Variants in DACH1 observed in about 807,000 individuals in gnomAD.
DACH1 encodes dachshund family transcription factor 1.
A neutral mutation model predicts 54.2 loss-of-function variants in DACH1; 12 were observed. The observed-to-expected ratio is 0.22, with a 90% CI of 0.14 to 0.36. The LOEUF is 0.36. Ranked by LOEUF, DACH1 falls within the 10% of genes least tolerant of loss-of-function variation. DACH1 has a pLI of 1.00. For missense variants in DACH1, 805 were observed against 929.8 expected, an observed-to-expected ratio of 0.87 and a Z score of 1.75; for synonymous variants, 386 against 366.2, an observed-to-expected ratio of 1.05 and a Z score of -0.62.
intron 1 of DACH1, among the ~76,000 whole-genome samples, chr13:71,712,963 C>A (rs1171662284): frequency 6.6e-6 from 1 of 151,806 alleles, no homozygotes; most frequent in East Asian, 1.9e-4. Context: ...GCTTCTATTC[C>A]TTTATAGATT....
At chr13:71,684,249 C>A (rs1881048830) in intron 1 of DACH1, among the ~76,000 whole-genome samples, 1 of 152,038 alleles carries the variant, frequency 6.6e-6, no homozygotes, top group Non-Finnish European at 1.5e-5. Flanking sequence ...ATGCTAATTC[C>A]AGAAGGATTT....
chr13:71,566,594 A>C (rs750272020), intron 4 of DACH1, among the ~76,000 whole-genome samples: 3 of 152,094 alleles, frequency 2.0e-5, no homozygotes, highest in Non-Finnish European at 4.4e-5. Flanking sequence ...GTTCCCCCCA[A>C]ATTCTCCAAA....
chr13:71,580,935 G>A (rs1872796525), intron 3 of DACH1, among the ~76,000 whole-genome samples: 1 of 151,330 alleles, frequency 6.6e-6, no homozygotes, highest in African/African-American at 2.4e-5. Context: ...ATCTTACACT[G>A]TCACTCCCCT....
At chr13:71,577,643 T>C (rs781665219) in intron 3 of DACH1, among the ~76,000 whole-genome samples, 13 of 152,182 alleles carry the variant, frequency 8.5e-5, no homozygotes, top group Non-Finnish European at 1.9e-4. Context: ...TTGTATTTAA[T>C]ATCCTGTTAC....
intron 1 of DACH1, among the ~76,000 whole-genome samples, chr13:71,798,106 A>AAT (rs1887131423): frequency 6.6e-6 from 1 of 151,946 alleles, no homozygotes; most frequent in African/African-American, 2.4e-5. Context: ...TTAAAATAAA[A>AAT]ATAGGTATAG....
intron 1 of DACH1, among the ~76,000 whole-genome samples, chr13:71,798,094 A>C (rs981422636): frequency 2.0e-5 from 3 of 151,958 alleles, no homozygotes; most frequent in South Asian, 2.1e-4. Context: ...GCCTGGTCAA[A>C]ATTAAAATAA....
chr13:71,825,121 C>T (rs532022043), intron 1 of DACH1, among the ~76,000 whole-genome samples: 22 of 151,988 alleles, frequency 1.4e-4, no homozygotes, highest in African/African-American at 2.4e-4. Flanking sequence ...ATATTTCAAA[C>T]GAAATAACAA....
chr13:71,629,925 C>A (rs112233585), intron 3 of DACH1, among the ~76,000 whole-genome samples: 8 of 151,966 alleles, frequency 5.3e-5, no homozygotes, highest in Non-Finnish European at 1.2e-4. Flanking sequence ...ATGAATTACC[C>A]AAATGGATAG....
At chr13:71,680,283 T>C (rs919929948) in intron 2 of DACH1, among the ~76,000 whole-genome samples, 5 of 152,196 alleles carry the variant, frequency 3.3e-5, no homozygotes, top group African/African-American at 1.2e-4. Flanking sequence ...AATATTTTCA[T>C]GGAATTTTCA....
At chr13:71,779,207 GTATA>G (rs1186277049) in intron 1 of DACH1, among the ~76,000 whole-genome samples, 9 of 104,576 alleles carry the variant, frequency 8.6e-5, no homozygotes, top group Non-Finnish European at 1.7e-4. Flanking sequence ...GTATATATGT[GTATA>G]TATATACGTA....
chr13:71,865,414 G>A (rs1281528162), intron 1 of DACH1, among the ~76,000 whole-genome samples: 1 of 151,982 alleles, frequency 6.6e-6, no homozygotes, highest in African/African-American at 2.4e-5. Flanking sequence ...CCCGCTCCCC[G>A]AGCCCTGCGG....
At chr13:71,671,385 T>C (rs915473818) in intron 2 of DACH1, among the ~76,000 whole-genome samples, 2 of 152,018 alleles carry the variant, frequency 1.3e-5, no homozygotes, top group Non-Finnish European at 2.9e-5. Context: ...GCAAGTACGA[T>C]TGCTTAAGAA....
chr13:71,564,504 T>C (rs898221285), intron 4 of DACH1, among the ~76,000 whole-genome samples: 1 of 147,474 alleles, frequency 6.8e-6, no homozygotes, highest in African/African-American at 2.5e-5. Flanking sequence ...ACTAATAAAC[T>C]AATAGTAACC....
intron 1 of DACH1, among the ~76,000 whole-genome samples, chr13:71,733,932 C>T (rs772593632): frequency 7.9e-5 from 12 of 151,950 alleles, no homozygotes; most frequent in African/African-American, 1.9e-4. Flanking sequence ...ACCTGTAGTC[C>T]GAGCTACTCA....
At position 71,798,319 on chromosome 13, in the gene DACH1, CATACATATATAT is replaced by C. The variant is rs1386091452; in HGVS notation, c.848+67591_848+67602del. Among the ~76,000 whole-genome samples the C allele has an allele frequency of 8.1e-3, 690 of 85,452 alleles. 7 individuals carry two copies. The highest frequency in any genetic ancestry group is 0.034 in the African/African-American group (660 of 19,348). 56.1% of individuals were successfully genotyped at this position (85,452 alleles called of 152,430 possible). ...AGATGATTTTAAAGAGAACTTGTTA[CATACATATATAT>C]ATATATATATATATATATATATATA... On this transcript the variant is annotated intron_variant, in intron 1 of 10. Transcript: ENST00000613252.
chr13:71,717,738 C>A (rs1883043452), intron 1 of DACH1, among the ~76,000 whole-genome samples: 1 of 151,892 alleles, frequency 6.6e-6, no homozygotes, highest in Admixed American at 6.6e-5. Flanking sequence ...ATAATGATAG[C>A]CTGTATCTTG....
intron 1 of DACH1, among the ~76,000 whole-genome samples, chr13:71,753,046 T>C (rs2137983507): frequency 6.6e-6 from 1 of 152,246 alleles, no homozygotes; most frequent in Middle Eastern, 3.4e-3. Context: ...AACCTATTAA[T>C]ACCACTATGC....
At chr13:71,745,731 G>A (rs1884574841) in intron 1 of DACH1, among the ~76,000 whole-genome samples, 1 of 152,114 alleles carries the variant, frequency 6.6e-6, no homozygotes, top group Non-Finnish European at 1.5e-5. Flanking sequence ...ACCAACTGGA[G>A]TAAGACTACA....
At position 71,567,411 on chromosome 13, in the gene DACH1, T is replaced by C. The variant is rs75552857; in HGVS notation, c.1299+5429A>G. On this transcript the variant is annotated intron_variant, in intron 4 of 10. Transcript: ENST00000613252. ...GTCCTGATTAAAATAAAGCTGCGTA[T>C]AAAATTTTTATTAGGTAAAATGAGC... Among the ~76,000 whole-genome samples, 588 of 151,956 alleles carry C rather than the reference T, an allele frequency of 3.9e-3. 2 individuals are homozygous for C. Among genetic ancestry groups the C allele is most frequent in the African/African-American group, 0.013 (554 of 41,482 alleles).
Sources: allele counts gnomAD v4.1 joint callset (sites outside exome capture counted in the v4.1 genomes callset), GRCh38; gene constraint gnomAD v4.1.1; transcripts MANE v1.5; gene names NCBI Gene and HGNC (gene_info 2026-07-23, HGNC 2026-07-21).